Variants in FRMPD4 observed in about 807,000 individuals in gnomAD.
FRMPD4 encodes the protein FERM and PDZ domain-containing protein 4.
Under a neutral mutation model 94.1 loss-of-function variants are expected in FRMPD4, and 22 were observed. The observed-to-expected ratio is 0.23, with a 90% CI of 0.17 to 0.33. FRMPD4 has a LOEUF of 0.33. Ranked by LOEUF, FRMPD4 falls within the 10% of genes least tolerant of loss-of-function variation. The pLI is 1.00. For missense variants in FRMPD4, 1,111 were observed against 1,339.9 expected (o/e 0.83, Z 2.67); for synonymous variants, 631 against 548.6 (o/e 1.15, Z -2.10).
chrX:12,059,295 A>G (rs542604880), intron 3 of FRMPD4, among the ~76,000 whole-genome samples: 9 of 111,934 alleles, frequency 8.0e-5, no homozygotes, highest in African/African-American at 2.6e-4. Context: ...TTTTATTTGC[A>G]GTTGTATCAT....
intron 5 of FRMPD4, among the ~76,000 whole-genome samples, chrX:12,677,641 G>A (rs2059913392): frequency 9.0e-6 from 1 of 111,582 alleles, no homozygotes; most frequent in Non-Finnish European, 1.9e-5. Flanking sequence ...AATTTCTTTT[G>A]CAACTTGCTG....
chrX:12,306,091 A>C (rs1373901623), intron 1 of FRMPD4, among the ~76,000 whole-genome samples: 1 of 108,819 alleles, frequency 9.2e-6, no homozygotes, highest in South Asian at 4.0e-4. Context: ...AAAAAAAAAA[A>C]AAAAAACAAA....
chrX:12,231,166 C>T (rs1257277093), intron 1 of FRMPD4, among the ~76,000 whole-genome samples: 4 of 94,778 alleles, frequency 4.2e-5, no homozygotes, highest in African/African-American at 1.6e-4. Flanking sequence ...CCTCCTGCCT[C>T]AGCCTCCAAA....
At chrX:12,240,360 A>G (rs756267989) in intron 1 of FRMPD4, among the ~76,000 whole-genome samples, 1 of 112,355 alleles carries the variant, frequency 8.9e-6, no homozygotes, top group African/African-American at 3.2e-5. Context: ...CTGGAACTCA[A>G]GCATGTATCC....
chrX:12,313,780 G>A (rs980025212), intron 1 of FRMPD4, among the ~76,000 whole-genome samples: 14 of 111,093 alleles, frequency 1.3e-4, no homozygotes, highest in African/African-American at 3.9e-4. Context: ...CATTTTTATT[G>A]TATGAATCTG....
At chrX:12,656,378 T>A (rs2059656140) in intron 4 of FRMPD4, among the ~76,000 whole-genome samples, 1 of 112,161 alleles carries the variant, frequency 8.9e-6, no homozygotes, top group Non-Finnish European at 1.9e-5. Flanking sequence ...ACACATTTAA[T>A]ATATTCACCA....
intron 3 of FRMPD4, 24 bp downstream of exon 3, chrX:12,609,905 G>T: frequency 1.7e-6 from 2 of 1,175,325 alleles, no homozygotes; most frequent in Non-Finnish European, 2.3e-6. Context: ...CCCAGTTCTT[G>T]GTTTCCTGGG....
At chrX:12,675,845 A>T (rs776288456) in intron 5 of FRMPD4, among the ~76,000 whole-genome samples, 96 of 111,303 alleles carry the variant, frequency 8.6e-4, no homozygotes, top group Non-Finnish European at 1.5e-3. Context: ...TATCAATTAA[A>T]GTGCTCTGGT....
At chrX:12,072,904 C>A (rs1320506054) in intron 3 of FRMPD4, among the ~76,000 whole-genome samples, 5 of 108,580 alleles carry the variant, frequency 4.6e-5, no homozygotes, top group African/African-American at 1.7e-4. Flanking sequence ...TTTTTAATTA[C>A]CTACCTTCTA....
chrX:11,834,563 G>T (rs1406784815), intron 1 of FRMPD4, among the ~76,000 whole-genome samples: 3 of 111,923 alleles, frequency 2.7e-5, no homozygotes, highest in African/African-American at 9.7e-5. Context: ...ATTCTCTGGA[G>T]TTGTGAAAAT....
intron 3 of FRMPD4, among the ~76,000 whole-genome samples, chrX:11,889,855 A>G (rs2053864809): frequency 8.9e-6 from 1 of 112,258 alleles, no homozygotes; most frequent in African/African-American, 3.2e-5. Context: ...TTTCCTTTTC[A>G]GCACTCTAGC....
At chrX:12,328,292 C>A (rs1370964544) in intron 1 of FRMPD4, among the ~76,000 whole-genome samples, 20 of 111,970 alleles carry the variant, frequency 1.8e-4, no homozygotes. Flanking sequence ...CTATAAAATT[C>A]AATTTGTTGT....
At chrX:12,287,027 G>A (rs2054612272) in intron 1 of FRMPD4, among the ~76,000 whole-genome samples, 1 of 111,958 alleles carries the variant, frequency 8.9e-6, no homozygotes, top group African/African-American at 3.3e-5. Context: ...TTGAGTCATA[G>A]CTGGGGCAAG....
chrX:12,251,627 C>T (rs1046598113), intron 1 of FRMPD4, among the ~76,000 whole-genome samples: 1 of 112,178 alleles, frequency 8.9e-6, no homozygotes, highest in African/African-American at 3.2e-5. Context: ...CTTCCTCCCT[C>T]ACCAGGTGTT....
At chrX:12,290,880 C>A (rs1465079458) in intron 1 of FRMPD4, among the ~76,000 whole-genome samples, 1 of 110,543 alleles carries the variant, frequency 9.0e-6, no homozygotes. Context: ...AAAAAAAAAT[C>A]CCTTAAATAC....
At chrX:12,587,760 G>A (rs1194763978) in intron 2 of FRMPD4, among the ~76,000 whole-genome samples, 1 of 110,734 alleles carries the variant, frequency 9.0e-6, no homozygotes, top group South Asian at 3.8e-4. Flanking sequence ...TGCTGTAAAC[G>A]ATCATGTACA....
chrX:12,417,986 T>G (rs1288758501), intron 1 of FRMPD4, among the ~76,000 whole-genome samples: 3 of 78,410 alleles, frequency 3.8e-5, no homozygotes, highest in Non-Finnish European at 6.9e-5. Context: ...AGAGCAAGAC[T>G]CTGTCTCAAA....
intron 3 of FRMPD4, among the ~76,000 whole-genome samples, chrX:11,912,094 C>T (rs997954283): frequency 8.9e-6 from 1 of 112,107 alleles, no homozygotes; most frequent in Non-Finnish European, 1.9e-5. Context: ...AGAAGCCCCA[C>T]CGAAGAAGAA....
At chrX:11,850,263 CA>C (rs1436672814) in intron 1 of FRMPD4, among the ~76,000 whole-genome samples, 24 of 112,089 alleles carry the variant, frequency 2.1e-4, no homozygotes, top group African/African-American at 7.4e-4. Context: ...CTATTAAAAA[CA>C]AAGAAACAAA....
Sources: gnomAD v4.1 joint callset for allele counts (sites outside exome capture counted in the v4.1 genomes callset) on GRCh38, gnomAD v4.1.1 for gene constraint, MANE v1.5 for transcripts, NCBI Gene and HGNC (gene_info 2026-07-23, HGNC 2026-07-21) for gene names.